SCAP: variants seen among roughly 807,000 people sequenced by gnomAD.
The protein encoded by SCAP is sterol regulatory element-binding protein cleavage-activating protein.
Under a neutral mutation model 123.6 loss-of-function variants are expected in SCAP, and 65 were observed. The ratio of observed to expected loss-of-function variants is 0.53; its 90% confidence interval spans 0.43 to 0.65. SCAP has a LOEUF of 0.65. Ranked by LOEUF, SCAP falls within the 30% of genes least tolerant of loss-of-function variation. The probability of loss-of-function intolerance (pLI) is 0.00; values close to 1 mark genes in which losing one functional copy is unlikely to be tolerated. For synonymous variants in SCAP, 740 were observed against 726.3 expected (o/e 1.02, Z -0.30); for missense variants, 1,398 against 1,712.5 (o/e 0.82, Z 3.24).
At chr3:47,445,485 AT>A (rs1468920752) in intron 1 of SCAP, among the ~76,000 whole-genome samples, 2 of 150,934 alleles carry the variant, frequency 1.3e-5, no homozygotes, top group African/African-American at 4.9e-5. Flanking sequence ...TAACCAGGTG[AT>A]CCACCGCCTC....
intron 1 of SCAP, 167 bp from the exon 2 acceptor site, chr3:47,443,258 ACACACACACACACACACACT>A (rs1351808066): frequency 3.2e-5 from 8 of 249,352 alleles, no homozygotes; most frequent in African/African-American, 1.5e-4. Context: ...ACACACACAC[ACACACACACACACACACACT>A]CTCTCTCTCT....
intron 1 of SCAP, among the ~76,000 whole-genome samples, chr3:47,473,937 G>GACTCT (rs1708166541): frequency 6.6e-6 from 1 of 152,196 alleles, no homozygotes; most frequent in South Asian, 2.1e-4. Context: ...GATCTCTAGA[G>GACTCT]AGGGGGCGTT....
rs1195958747 is a variant in SCAP at position 47,420,496 on chromosome 3, G to C, written c.1563+58C>G. On this transcript the variant is annotated intron_variant, in intron 12 of 22. Transcript: ENST00000265565. The surrounding 1 kb of genome is among the most constrained non-coding windows in gnomAD (Gnocchi z 5.0). ...TCTAAGGCCAAGTGCAGCACCACAAGGGGCCTGGAGCACCGGCCCTCCAGA... is the reference window on the plus strand; with the variant it reads ...TCTAAGGCCAAGTGCAGCACCACAACGGGCCTGGAGCACCGGCCCTCCAGA... 2.1e-6 allele frequency: 3 copies of C among 1,438,784 alleles called. No homozygotes were observed. Among genetic ancestry groups the C allele is most frequent in the Non-Finnish European group, 2.8e-6 (3 of 1,064,970 alleles). The allele number at this position is 1,438,784 out of a possible 1,614,324, so 89.1% of individuals were successfully genotyped here.
chr3:47,435,469 T>A (rs6772227), intron 2 of SCAP, among the ~76,000 whole-genome samples: 1 of 91,910 alleles, frequency 1.1e-5, no homozygotes, highest in East Asian at 2.9e-4. Flanking sequence ...AATATAAACA[T>A]ACACACACAC....
chr3:47,473,368 C>G (rs1403492702), intron 1 of SCAP, among the ~76,000 whole-genome samples: 3 of 152,130 alleles, frequency 2.0e-5, no homozygotes, highest in Non-Finnish European at 4.4e-5. Context: ...AATTATTACT[C>G]TGAGTGGCAA....
intron 1 of SCAP, among the ~76,000 whole-genome samples, chr3:47,461,927 G>A (rs1707656255): frequency 6.6e-6 from 1 of 152,100 alleles, no homozygotes; most frequent in African/African-American, 2.4e-5. Context: ...CCAGCTACTT[G>A]GGAGGCTGAG....
In SCAP at chr3:47,449,955, G is replaced by C. The variant is rs1289649177; in HGVS notation, c.-98-6864C>G. 3.2e-5 allele frequency among the ~76,000 whole-genome samples: 4 copies of C among 124,790 alleles called. 1 individual carries two copies. Among genetic ancestry groups the C allele is most frequent in the African/African-American group, 1.1e-4 (4 of 36,536 alleles). The allele number at this position is 124,790 out of a possible 152,430, so 81.9% of individuals were successfully genotyped here. A position where few individuals can be genotyped will look rare whatever the true frequency, so the allele number is the denominator to read the frequency against. ...ATCAGAACTCTTAAATTTTTTTAAT[G>C]TGATAATCTTCCTACATTTCAGGAT... On this transcript the variant is annotated intron_variant, in intron 1 of 22. Coordinates refer to ENST00000265565, the MANE Select transcript of SCAP (RefSeq NM_012235.4).
In SCAP at chr3:47,423,979, C is replaced by T. The variant is rs550992058; in HGVS notation, c.1104G>A (p.Val368=). Residue 368 remains valine, a synonymous_variant, in exon 9 of 23, where the codon GTG becomes GTA. Transcript: ENST00000265565. ...CCTCCAGGTCTACCGGGGTTGAGAC[C>T]ACAGACTTGGTGAGCACCAACACAT... ...LENVLVLTKS[V]VSTPVDLEVK... 1.9e-4 allele frequency: 301 copies of T among 1,614,212 alleles called. 1 individual carries two copies. The South Asian group carries it at 3.1e-3, about 17-fold the overall frequency.
At chr3:47,427,847 A>C (rs1156556432) in intron 4 of SCAP, among the ~76,000 whole-genome samples, 180 bp from the exon 5 acceptor site, 1 of 152,138 alleles carries the variant, frequency 6.6e-6, no homozygotes, top group Non-Finnish European at 1.5e-5. Context: ...TAACCTAAAC[A>C]TGTGGCTGTC....
intron 9 of SCAP, 113 bp downstream of exon 9, chr3:47,423,820 G>C (rs1278822695): frequency 7.8e-6 from 6 of 771,842 alleles, no homozygotes; most frequent in African/African-American, 6.9e-5. Context: ...CCGGAGGCAA[G>C]AGCAAGGGAC....
chr3:47,475,420 A>ACTC (rs1559577964), intron 1 of SCAP: 1 of 152,290 alleles, frequency 6.6e-6, no homozygotes, highest in Non-Finnish European at 1.5e-5. Flanking sequence ...CAAAGTGGAG[A>ACTC]ACCTGCTCTC....
At chr3:47,415,690 A>T (rs1264906301) in intron 18 of SCAP, among the ~76,000 whole-genome samples, 1 of 152,234 alleles carries the variant, frequency 6.6e-6, no homozygotes, top group Non-Finnish European at 1.5e-5. Flanking sequence ...TCCTAGGTAC[A>T]GTCTGACAGG....
At chr3:47,436,869 C>T (rs1016392425) in intron 2 of SCAP, among the ~76,000 whole-genome samples, 3 of 152,206 alleles carry the variant, frequency 2.0e-5, no homozygotes, top group African/African-American at 7.2e-5. Context: ...CAGCATACCA[C>T]TCCCCACCAC....
chr3:47,465,083 G>A (rs1034610967), intron 1 of SCAP, among the ~76,000 whole-genome samples: 4 of 151,672 alleles, frequency 2.6e-5, no homozygotes, highest in Non-Finnish European at 5.9e-5. Flanking sequence ...GACATAAACT[G>A]AAACATTGCT....
intron 5 of SCAP, 38 bp downstream of exon 5, chr3:47,427,407 GCA>G (rs745856377): frequency 6.9e-6 from 11 of 1,586,312 alleles, no homozygotes; most frequent in Non-Finnish European, 8.7e-6. Context: ...TGACCAATGG[GCA>G]CCTTTACAGG....
At chr3:47,473,557 G>A (rs551865657) in intron 1 of SCAP, among the ~76,000 whole-genome samples, 1 of 152,234 alleles carries the variant, frequency 6.6e-6, no homozygotes, top group Admixed American at 6.5e-5. Flanking sequence ...TCTGTTCAAC[G>A]GGGGTGATGA....
At chr3:47,459,279 C>T (rs1050121923) in intron 1 of SCAP, among the ~76,000 whole-genome samples, 6 of 152,200 alleles carry the variant, frequency 3.9e-5, no homozygotes, top group African/African-American at 1.2e-4. Flanking sequence ...CATATCAGGC[C>T]ACACAGGCTA....
intron 8 of SCAP, among the ~76,000 whole-genome samples, chr3:47,424,903 C>T (rs1559545893): frequency 2.0e-5 from 3 of 152,060 alleles, no homozygotes; most frequent in Non-Finnish European, 2.9e-5. Context: ...TGAGGACAAG[C>T]CGAGGGAAGG....
intron 3 of SCAP, among the ~76,000 whole-genome samples, chr3:47,434,456 A>T (rs930456705): frequency 6.6e-6 from 1 of 152,192 alleles, no homozygotes; most frequent in Non-Finnish European, 1.5e-5. Context: ...TTTCTCATTT[A>T]TATCAGTGTT....
Sources: allele counts gnomAD v4.1 joint callset (sites outside exome capture counted in the v4.1 genomes callset), GRCh38; gene constraint gnomAD v4.1.1; non-coding constraint Gnocchi (gnomAD v3.1); transcripts MANE v1.5; gene names NCBI Gene and HGNC (gene_info 2026-07-23, HGNC 2026-07-21).